The following DISC1 variants were observed in gnomAD, a reference collection of about 807,000 sequenced individuals.
DISC1 encodes disrupted in schizophrenia 1 protein.
A neutral mutation model predicts 84.5 loss-of-function variants in DISC1; 57 were observed. The observed-to-expected ratio is 0.67, with a 90% CI of 0.55 to 0.84. DISC1 has a LOEUF of 0.84. Ranked by LOEUF, DISC1 falls within the 40% of genes least tolerant of loss-of-function variation. The probability of loss-of-function intolerance (pLI) is 0.00; values close to 1 mark genes in which losing one functional copy is unlikely to be tolerated. For missense variants in DISC1, 1,000 were observed against 1,057.8 expected (o/e 0.95, Z 0.76); for synonymous variants, 411 against 415.2 (o/e 0.99, Z 0.12).
intron 4 of DISC1, among the ~76,000 whole-genome samples, chr1:231,761,771 A>G (rs983996918): frequency 2.0e-5 from 3 of 152,260 alleles, no homozygotes; most frequent in Admixed American, 2.0e-4. Context: ...GATCCAATGC[A>G]ATAGAAAAGT....
At chr1:231,728,125 A>G (rs1189832822) in intron 3 of DISC1, among the ~76,000 whole-genome samples, 1 of 152,060 alleles carries the variant, frequency 6.6e-6, no homozygotes, top group East Asian at 1.9e-4. Flanking sequence ...AAGATGGAGG[A>G]ATCACGCTGC....
chr1:231,629,709 A>G (rs1349128221), intron 1 of DISC1: 2 of 152,320 alleles, frequency 1.3e-5, no homozygotes, highest in African/African-American at 4.8e-5. Context: ...TTTTTGTTAA[A>G]TGACAAAAAT....
chr1:231,868,449 C>T lies in DISC1; in HGVS notation c.1981+49932C>T, dbSNP rs73094831. ...TTTCCAGTCCTGGGATGTGCTTAGA[C>T]CAGCCTTTAACTATGCATCCTCAAA... On this transcript the variant is annotated intron_variant, in intron 9 of 12. Coordinates refer to ENST00000439617, the MANE Select transcript of DISC1 (RefSeq NM_018662.3). 5.7e-3 allele frequency among the ~76,000 whole-genome samples: 868 copies of T among 152,114 alleles called. 8 individuals carry two copies. The highest frequency in any genetic ancestry group is 0.02 in the African/African-American group (810 of 41,496).
At chr1:231,804,142 C>T (rs1458524633) in intron 8 of DISC1, among the ~76,000 whole-genome samples, 2 of 152,066 alleles carry the variant, frequency 1.3e-5, no homozygotes, top group Non-Finnish European at 2.9e-5. Context: ...ATTTTTATAA[C>T]CACTGCAGTG....
chr1:231,665,550 G>GT (rs1480739627), intron 1 of DISC1, among the ~76,000 whole-genome samples: 1 of 152,160 alleles, frequency 6.6e-6, no homozygotes, highest in Non-Finnish European at 1.5e-5. Context: ...AATAAGTAAA[G>GT]TACAGTAGTG....
At chr1:231,953,762 A>T (rs1179054645) in intron 9 of DISC1, among the ~76,000 whole-genome samples, 1 of 152,182 alleles carries the variant, frequency 6.6e-6, no homozygotes, top group Non-Finnish European at 1.5e-5. Context: ...TGTTTGACAA[A>T]CTTTGCCATT....
chr1:231,770,519 T>TC lies in DISC1; in HGVS notation c.1399-314dup, dbSNP rs549938984. Among the ~76,000 whole-genome samples, 19 of 152,296 alleles carry TC rather than the reference T, an allele frequency of 1.2e-4. No individual in the cohort carries two copies. The South Asian group carries it at 3.5e-3, about 28-fold the overall frequency. ...GGTGCATGAGGCTCCCTGCCCTGTG[T>TC]CCTAACTCATCCATCCGAAATGAAG... On this transcript the variant is annotated intron_variant, in intron 5 of 12. Transcript: ENST00000439617.
chr1:231,816,465 G>A (rs999252372), intron 8 of DISC1, among the ~76,000 whole-genome samples: 2 of 151,936 alleles, frequency 1.3e-5, no homozygotes, highest in Admixed American at 1.3e-4. Flanking sequence ...AGTGTTTTCT[G>A]TATCTTATCT....
intron 11 of DISC1, among the ~76,000 whole-genome samples, chr1:232,018,497 T>G (rs1051241430): frequency 4.6e-5 from 7 of 152,190 alleles, no homozygotes; most frequent in African/African-American, 9.7e-5. Context: ...TAGAAAAATG[T>G]TTTTTGAAAG....
chr1:232,030,353 C>G (rs1204400659), intron 12 of DISC1, among the ~76,000 whole-genome samples: 1 of 152,204 alleles, frequency 6.6e-6, no homozygotes, highest in Admixed American at 6.5e-5. Flanking sequence ...CATTTTCTTC[C>G]TCCTTCAATT....
intron 1 of DISC1, among the ~76,000 whole-genome samples, chr1:231,633,316 A>T (rs2058898297): frequency 6.6e-6 from 1 of 152,218 alleles, no homozygotes; most frequent in African/African-American, 2.4e-5. Context: ...GGCTACCCCG[A>T]AAGGCAGAGA....
At chr1:231,949,818 C>T (rs936655308) in intron 9 of DISC1, among the ~76,000 whole-genome samples, 6 of 152,140 alleles carry the variant, frequency 3.9e-5, no homozygotes, top group African/African-American at 7.2e-5. Context: ...TTTCCTTTTG[C>T]GAAATTCCCT....
rs569346094 is a variant in DISC1, at chr1:231,955,647, G to A, written c.1982-3181G>A. Among the ~76,000 whole-genome samples, 26 of 151,900 alleles carry A rather than the reference G, an allele frequency of 1.7e-4. No homozygotes were observed. In the East Asian group the frequency reaches 2.3e-3, roughly 14 times the overall value. On this transcript the variant is annotated intron_variant, in intron 9 of 12. Transcript: ENST00000439617. Reference sequence around the variant, plus strand: ...TGGGATTACAGGCACCCACCACCACGCCCAGCCAATTTTTCTATTTTTAGT... The same window carrying A: ...TGGGATTACAGGCACCCACCACCACACCCAGCCAATTTTTCTATTTTTAGT...
chr1:231,778,020 AG>A (rs1352523698), intron 6 of DISC1, among the ~76,000 whole-genome samples: 1 of 152,174 alleles, frequency 6.6e-6, no homozygotes, highest in East Asian at 1.9e-4. Flanking sequence ...AGCAATGGAA[AG>A]AAGTCCAGCC....
chr1:231,819,215 A>AAT (rs1462245623), intron 9 of DISC1: 13 of 821,406 alleles, frequency 1.6e-5, no homozygotes, highest in Non-Finnish European at 1.9e-5. Flanking sequence ...AAATGAAAGA[A>AAT]ATATATATAT....
chr1:231,741,326 A>G (rs1177711825), intron 3 of DISC1, among the ~76,000 whole-genome samples: 23 of 152,226 alleles, frequency 1.5e-4, no homozygotes, highest in Admixed American at 1.5e-3. Flanking sequence ...GTAGGCAGTG[A>G]ACTTGATTTA....
At chr1:231,964,238 A>G (rs1037380451) in intron 10 of DISC1, among the ~76,000 whole-genome samples, 7 of 152,198 alleles carry the variant, frequency 4.6e-5, no homozygotes, top group African/African-American at 1.7e-4. Context: ...GAATGATTGA[A>G]TAAATATGTG....
rs534458554 is a variant in DISC1, at chr1:231,728,932, T to C, written c.1118-20994T>C. Among the ~76,000 whole-genome samples, 18 of 152,324 alleles carry C rather than the reference T, an allele frequency of 1.2e-4. No individual in the cohort carries two copies. The East Asian group carries it at 1.5e-3, about 13-fold the overall frequency. On this transcript the variant is annotated intron_variant, in intron 3 of 12. Transcript: ENST00000439617. ...TATGTATACGTGTGCCATGTTGGTG[T>C]GCTGCACCCATTAACTCGTCATTTA...
At chr1:231,882,742 G>T (rs1433281063) in intron 9 of DISC1, among the ~76,000 whole-genome samples, 1 of 152,054 alleles carries the variant, frequency 6.6e-6, no homozygotes, top group African/African-American at 2.4e-5. Context: ...GTGTGCATTT[G>T]GACCTGCCCT....
Sources: gnomAD v4.1 joint callset for allele counts (sites outside exome capture counted in the v4.1 genomes callset) on GRCh38, gnomAD v4.1.1 for gene constraint, MANE v1.5 for transcripts, NCBI Gene and HGNC (gene_info 2026-07-23, HGNC 2026-07-21) for gene names.